FN3K: variants seen among roughly 807,000 people sequenced by gnomAD.
FN3K encodes the protein fructosamine-3-kinase.
Under a neutral mutation model 24.8 loss-of-function variants are expected in FN3K, and 24 were observed. The ratio of observed to expected loss-of-function variants is 0.97; its 90% confidence interval spans 0.70 to 1.36. FN3K has a LOEUF of 1.36. Ranked by LOEUF, FN3K falls within the 40% of genes most tolerant of loss-of-function variation. The pLI, the probability that FN3K is intolerant of heterozygous loss-of-function variation, is 0.00. For missense variants in FN3K, 449 were observed against 416.7 expected (o/e 1.08, Z -0.67); for synonymous variants, 192 against 175.2 (o/e 1.10, Z -0.76).
intron 2 of FN3K, among the ~76,000 whole-genome samples, chr17:82,738,921 T>C (rs926214573): frequency 3.5e-5 from 3 of 85,980 alleles, no homozygotes; most frequent in Admixed American, 1.6e-4. Flanking sequence ...TATATATATA[T>C]ACACATATAT....
At chr17:82,749,041 C>G in intron 5 of FN3K, 64 bp downstream of exon 5, 2 of 1,608,458 alleles carry the variant, frequency 1.2e-6, no homozygotes, top group Non-Finnish European at 1.7e-6. Context: ...CGCATTTGTG[C>G]GGGTTCATCT....
intron 4 of FN3K, chr17:82,742,734 T>C (rs2046947595): frequency 2.2e-6 from 1 of 456,028 alleles, no homozygotes; most frequent in African/African-American, 2.0e-5. Context: ...AAGCCAATAT[T>C]GGACCATATT....
intron 4 of FN3K, among the ~76,000 whole-genome samples, chr17:82,747,924 G>A (rs571187123): frequency 1.3e-5 from 2 of 152,262 alleles, no homozygotes; most frequent in Middle Eastern, 3.4e-3. Context: ...GGGCTTCAAC[G>A]TAGGAACGGG....
chr17:82,736,758 C>G (rs945610521), intron 1 of FN3K, among the ~76,000 whole-genome samples: 1 of 152,292 alleles, frequency 6.6e-6, no homozygotes, highest in East Asian at 1.9e-4. Context: ...CCTGGGCGTG[C>G]GATCGGATCC....
chr17:82,749,159 GTGAAGA>G, intron 5 of FN3K, 182 bp downstream of exon 5: 2 of 905,302 alleles, frequency 2.2e-6, no homozygotes, highest in Non-Finnish European at 3.5e-6. Flanking sequence ...GGAGTGAGGA[GTGAAGA>G]CACACTTGGC....
rs761398640 is a variant in FN3K at position 82,748,891 on chromosome 17, G to A, written c.505G>A (p.Ala169Thr). ...GCAGGATGACTGGCCGACCTTTTTC[G>A]CCCGGCACCGGCTCCAGGCGCAGCT... ...EWQDDWPTFFARHRLQAQLDL... is the reference protein window; with the variant it reads ...EWQDDWPTFFTRHRLQAQLDL... The change falls in exon 5 of 6, where the codon GCC (alanine) becomes ACC (threonine). Residue 169 changes from alanine to threonine, a missense_variant. Physicochemically the swap from Ala to Thr is moderately conservative, Grantham distance 58 (BLOSUM62 0). Coordinates refer to ENST00000300784, the MANE Select transcript of FN3K (RefSeq NM_022158.4). The A allele has an allele frequency of 7.4e-6, 12 of 1,613,450 alleles. No homozygotes were observed. Among genetic ancestry groups the A allele is most frequent in the Admixed American group, 1.7e-5 (1 of 59,994 alleles).
intron 4 of FN3K, among the ~76,000 whole-genome samples, chr17:82,744,570 C>T (rs1447705447): frequency 2.0e-5 from 3 of 151,970 alleles, no homozygotes; most frequent in African/African-American, 7.3e-5. Context: ...GTGGGTGTTT[C>T]TCGTTAGGTA....
At position 82,739,633 on chromosome 17, in the gene FN3K, A is replaced by G. The variant is rs373251457; in HGVS notation, c.293+993A>G. Among the ~76,000 whole-genome samples, 352 of 151,778 alleles carry G rather than the reference A, an allele frequency of 2.3e-3. 3 individuals carry two copies. In the South Asian group the frequency reaches 0.03, roughly 13 times the overall value. Reference sequence around the variant, plus strand: ...CCACCATGCCCGGCTAATTTTTTGTATTTTTAGTAGAGACGGGGTTTCACC... The same window carrying G: ...CCACCATGCCCGGCTAATTTTTTGTGTTTTTAGTAGAGACGGGGTTTCACC... On this transcript the variant is annotated intron_variant, in intron 2 of 5. Coordinates refer to ENST00000300784, the MANE Select transcript of FN3K (RefSeq NM_022158.4).
At chr17:82,749,115 A>C (rs2046985824) in intron 5 of FN3K, 138 bp downstream of exon 5, 5 of 1,130,632 alleles carry the variant, frequency 4.4e-6, no homozygotes, top group African/African-American at 1.5e-5. Flanking sequence ...GAAGGGGGGC[A>C]GGGGCGGGGG....
intron 4 of FN3K, among the ~76,000 whole-genome samples, chr17:82,743,196 T>G (rs1346888186): frequency 2.0e-5 from 3 of 152,212 alleles, no homozygotes; most frequent in African/African-American, 7.2e-5. Flanking sequence ...GGGCTGCAAG[T>G]GGCGGGCTCT....
At chr17:82,736,548 A>C (rs1265966430) in intron 1 of FN3K, 1 of 152,492 alleles carries the variant, frequency 6.6e-6, no homozygotes, top group Non-Finnish European at 1.5e-5. Context: ...AAAAAAAAAA[A>C]GTATGGAAAA....
At chr17:82,738,947 T>TGTATATATATATATATATACGTGTGTA in intron 2 of FN3K, among the ~76,000 whole-genome samples, 1 of 65,254 alleles carries the variant, frequency 1.5e-5, no homozygotes, top group African/African-American at 6.4e-5. Flanking sequence ...TATATATATA[T>TGTATATATATATATATATACGTGTGTA]TTTTTTTTTT....
At chr17:82,745,478 C>G (rs552346856) in intron 4 of FN3K, 3 of 152,522 alleles carry the variant, frequency 2.0e-5, no homozygotes, top group African/African-American at 7.2e-5. Flanking sequence ...ACAATCTGAT[C>G]TCTCTTGCTT....
At position 82,750,653 on chromosome 17, in the gene FN3K, G is replaced by T. The variant is rs2047010158; in HGVS notation, c.828G>T (p.Arg276=). The T allele has an allele frequency of 3.7e-6, 6 of 1,613,962 alleles. No homozygotes were observed. Among genetic ancestry groups the T allele is most frequent in the Non-Finnish European group, 5.1e-6 (6 of 1,179,996 alleles). The part of the protein sequence containing the change: ...KIPKAPGFDQ[R]LLLYQLFNYL... ...CCAAGGCTCCGGGCTTCGACCAGCG[G>T]CTGCTGCTCTACCAGCTGTTTAACT... Residue 276 remains arginine, a synonymous_variant, in exon 6 of 6, where the codon CGG becomes CGT. Transcript: ENST00000300784.
At chr17:82,748,135 T>C (rs2046978627) in intron 4 of FN3K, among the ~76,000 whole-genome samples, 1 of 150,982 alleles carries the variant, frequency 6.6e-6, no homozygotes, top group African/African-American at 2.5e-5. Context: ...GTAGCCACTC[T>C]AGCTTTCTTT....
intron 1 of FN3K, 158 bp from the exon 2 acceptor site, chr17:82,738,331 C>G (rs2046917563): frequency 1.1e-6 from 1 of 952,024 alleles, no homozygotes; most frequent in African/African-American, 1.6e-5. Context: ...GGCCCCTCTG[C>G]ACCCTGCCCT....
chr17:82,749,026 C>T (rs372663026), intron 5 of FN3K, 49 bp downstream of exon 5: 8 of 1,612,684 alleles, frequency 5.0e-6, no homozygotes, highest in Non-Finnish European at 6.8e-6. Flanking sequence ...CTCTCATGAT[C>T]CCGCCGCATT....
In FN3K at chr17:82,735,956, CACGATCCGTG is replaced by C. The variant is rs2046898055; in HGVS notation, c.141+182_141+191del. ...AGCGTTCTGTGAAGGTTTGTGTCTG[CACGATCCGTG>C]ACCTTCCTTTGGCCTCCATGCGCAG... On this transcript the variant is annotated intron_variant, in intron 1 of 5. Coordinates refer to ENST00000300784, the MANE Select transcript of FN3K (RefSeq NM_022158.4). 4 of 800,200 alleles carry C rather than the reference CACGATCCGTG, an allele frequency of 5.0e-6. No homozygotes were observed. The East Asian group carries it at 1.1e-4, about 23-fold the overall frequency. 49.6% of individuals were successfully genotyped at this position (800,200 alleles called of 1,614,324 possible). A position where few individuals can be genotyped will look rare whatever the true frequency, so the allele number is the denominator to read the frequency against.
chr17:82,750,587 G>T lies in FN3K; in HGVS notation c.762G>T (p.Gly254=). ...TGGCAATCGCCTTGATGTTTGGGGG[G>T]TTCCCCAGATCCTTCTTCACCGCCT... ...FELAIALMFG[G]FPRSFFTAYH... Residue 254 remains glycine (G), a synonymous_variant, in exon 6 of 6, where the codon GGG becomes GGT. Transcript: ENST00000300784. 6.2e-7 allele frequency: 1 copy of T among 1,614,132 alleles called. No homozygotes were observed. The highest frequency in any genetic ancestry group is 8.5e-7 in the Non-Finnish European group (1 of 1,180,030).
Sources: allele counts gnomAD v4.1 joint callset (sites outside exome capture counted in the v4.1 genomes callset), GRCh38; gene constraint gnomAD v4.1.1; transcripts MANE v1.5; gene names NCBI Gene and HGNC (gene_info 2026-07-23, HGNC 2026-07-21).